Variants in CCDC85C observed in about 807,000 individuals in gnomAD.
CCDC85C encodes the protein coiled-coil domain containing 85C.
CCDC85C carries 18 observed loss-of-function variants against 38.3 expected under a neutral mutation model. That is an observed-to-expected ratio of 0.47 (90% CI 0.33 to 0.70). The LOEUF is 0.70. CCDC85C is among the 30% of genes least tolerant of loss of function. The pLI is 0.03. For synonymous variants in CCDC85C, 264 were observed against 293.8 expected, an observed-to-expected ratio of 0.90 and a Z score of 1.04; for missense variants, 566 against 621.2, an observed-to-expected ratio of 0.91 and a Z score of 0.94.
chr14:99,554,642 C>G (rs1396926080), intron 1 of CCDC85C, among the ~76,000 whole-genome samples: 11 of 152,248 alleles, frequency 7.2e-5, no homozygotes, highest in Admixed American at 6.5e-4. Flanking sequence ...TGACCTGGTC[C>G]CCACCCAGGC....
intron 1 of CCDC85C, among the ~76,000 whole-genome samples, chr14:99,563,654 G>A (rs1898160534): frequency 6.6e-6 from 1 of 152,248 alleles, no homozygotes; most frequent in African/African-American, 2.4e-5. Flanking sequence ...TGCTTCCCAC[G>A]AGGCGGGCAG....
intron 1 of CCDC85C, among the ~76,000 whole-genome samples, chr14:99,597,288 G>C (rs2055153341): frequency 6.6e-6 from 1 of 152,220 alleles, no homozygotes; most frequent in Non-Finnish European, 1.5e-5. Flanking sequence ...CTCCTGAAGA[G>C]CAAATTACCA....
intron 2 of CCDC85C, among the ~76,000 whole-genome samples, chr14:99,525,774 A>G (rs1385770766): frequency 6.6e-6 from 1 of 152,210 alleles, no homozygotes; most frequent in African/African-American, 2.4e-5. Context: ...TCGAAGCCCC[A>G]GGCTGATTCA....
chr14:99,515,752 C>T (rs1399225821), intron 5 of CCDC85C, among the ~76,000 whole-genome samples: 1 of 152,108 alleles, frequency 6.6e-6, no homozygotes, highest in Non-Finnish European at 1.5e-5. Flanking sequence ...CTCTCCTGGG[C>T]AGCCCCAGCC....
rs189027326 is a variant in CCDC85C, at chr14:99,520,799, G to C, written c.975+1334C>G. Reference sequence around the variant, plus strand: ...TGAGCCTCACTTCCTCCTCTCCAAAGTAGGGGACACCCCTTCATGCACAGA... The same window carrying C: ...TGAGCCTCACTTCCTCCTCTCCAAACTAGGGGACACCCCTTCATGCACAGA... On this transcript the variant is annotated intron_variant, in intron 3 of 5. Transcript: ENST00000380243. This position sits in a 1 kb window ranked among gnomAD's most constrained non-coding sequence, Gnocchi z 4.1. Among the ~76,000 whole-genome samples, 18 of 152,338 alleles carry C rather than the reference G, an allele frequency of 1.2e-4. No homozygotes were observed. The East Asian group carries it at 3.3e-3, about 28-fold the overall frequency.
intron 1 of CCDC85C, among the ~76,000 whole-genome samples, chr14:99,601,012 G>C (rs896635232): frequency 6.6e-6 from 1 of 152,090 alleles, no homozygotes; most frequent in Non-Finnish European, 1.5e-5. Context: ...GTGACAGAGT[G>C]ACACCCTGTC....
At chr14:99,517,028 A>G in intron 4 of CCDC85C, 60 bp downstream of exon 4, 11 of 1,461,622 alleles carry the variant, frequency 7.5e-6, no homozygotes, top group Non-Finnish European at 1.0e-5. Context: ...CAAAGGTCCC[A>G]CAGTCTCACA....
rs143879641 is a variant in CCDC85C at position 99,516,563 on chromosome 14, T to C, written c.1072-277A>G. 3.3e-5 allele frequency among the ~76,000 whole-genome samples: 5 copies of C among 152,184 alleles called. No individual in the cohort carries two copies. Among genetic ancestry groups the C allele is most frequent in the African/African-American group, 1.2e-4 (5 of 41,516 alleles). ...AAGACCCTCAGACAGGTGGACTCAC[T>C]GCAACCCAGGGCCCGCTGGAGATGA... On this transcript the variant is annotated intron_variant, in intron 4 of 5. Coordinates refer to ENST00000380243, the MANE Select transcript of CCDC85C (RefSeq NM_001144995.2). This position sits in a 1 kb window ranked among gnomAD's most constrained non-coding sequence, Gnocchi z 5.5.
chr14:99,589,866 G>A (rs763964156), intron 1 of CCDC85C, among the ~76,000 whole-genome samples: 1 of 152,196 alleles, frequency 6.6e-6, no homozygotes, highest in Non-Finnish European at 1.5e-5. Flanking sequence ...GCACCCAGGG[G>A]TTCCGAGAGC....
chr14:99,549,563 A>T (rs543899752), intron 1 of CCDC85C, among the ~76,000 whole-genome samples: 1 of 152,302 alleles, frequency 6.6e-6, no homozygotes, highest in African/African-American at 2.4e-5. Flanking sequence ...CCCCAGAGAA[A>T]TGAGGGCAGG....
rs1433868267 is a variant in CCDC85C, at chr14:99,510,715, C to A, written c.*4531G>T. 4 of 1,417,312 alleles carry A rather than the reference C, an allele frequency of 2.8e-6. No homozygotes were observed. In the African/African-American group the frequency reaches 6.0e-5, roughly 21 times the overall value. The allele number at this position is 1,417,312 out of a possible 1,614,324, so 87.8% of individuals were successfully genotyped here. On this transcript the variant is annotated 3_prime_UTR_variant, in exon 6 of 6. Transcript: ENST00000380243. ...CCCCCTGGAGGACAGCCTCCTGTGC[C>A]CCCGCCCATTCCCCCACCCGGCATG...
rs1433616583 is a variant in CCDC85C at position 99,588,456 on chromosome 14, G to A, written c.793+14711C>T. Among the ~76,000 whole-genome samples the A allele has an allele frequency of 1.3e-5, 2 of 152,052 alleles. No individual in the cohort carries two copies. The highest frequency in any genetic ancestry group is 2.4e-5 in the African/African-American group (1 of 41,404). On this transcript the variant is annotated intron_variant, in intron 1 of 5. Transcript: ENST00000380243. The surrounding 1 kb of genome is among the most constrained non-coding windows in gnomAD (Gnocchi z 5.0). The stretch of plus-strand genomic sequence containing the variant: ...TTACCCAGAGAAAAGAGAGCCCACG[G>A]ACCCATCCAAAAGTCACCAGAGGCC...
chr14:99,530,386 C>T (rs1228327388), intron 2 of CCDC85C, among the ~76,000 whole-genome samples: 1 of 152,180 alleles, frequency 6.6e-6, no homozygotes, highest in African/African-American at 2.4e-5. Context: ...AGATGCCAAA[C>T]ACACAGGGCA....
Position 99,513,645 on chromosome 14 carries a change from C to G in CCDC85C, c.*1601G>C, listed in dbSNP as rs1265883464. On this transcript the variant is annotated 3_prime_UTR_variant, in exon 6 of 6. Transcript: ENST00000380243. The stretch of plus-strand genomic sequence containing the variant: ...CATCTCCCTCCTCTTGCCTGCATCC[C>G]CAGCCCTGGGCCTGCATGAGACCTG... 1 of 152,352 alleles carries G rather than the reference C, an allele frequency of 6.6e-6. No individual in the cohort carries two copies. The highest frequency in any genetic ancestry group is 2.4e-5 in the African/African-American group (1 of 41,454). 9.4% of individuals were successfully genotyped at this position (152,352 alleles called of 1,614,324 possible). A position where few individuals can be genotyped will look rare whatever the true frequency, so the allele number is the denominator to read the frequency against.
At position 99,505,463 on chromosome 14, in the gene CCDC85C, A is replaced by G. The variant is rs1896950529; in HGVS notation, c.*9783T>C. On this transcript the variant is annotated 3_prime_UTR_variant, in exon 6 of 6. Coordinates refer to ENST00000380243, the MANE Select transcript of CCDC85C (RefSeq NM_001144995.2). ...AGACATCTCATTAGTAAAGCTTTATATTGGTTACATGTTGAAATAAAATTT... is the reference window on the plus strand; with the variant it reads ...AGACATCTCATTAGTAAAGCTTTATGTTGGTTACATGTTGAAATAAAATTT... The G allele has an allele frequency of 6.6e-6, 1 of 152,098 alleles. No individual in the cohort carries two copies. The highest frequency in any genetic ancestry group is 2.4e-5 in the African/African-American group (1 of 41,410). 9.4% of individuals were successfully genotyped at this position (152,098 alleles called of 1,614,324 possible).
chr14:99,594,432 G>A (rs2055121397), intron 1 of CCDC85C, among the ~76,000 whole-genome samples: 1 of 152,196 alleles, frequency 6.6e-6, no homozygotes, highest in African/African-American at 2.4e-5. Context: ...GTTTAGACAG[G>A]TCACCATCTC....
rs1197621843 is a variant in CCDC85C at position 99,512,229 on chromosome 14, G to C, written c.*3017C>G. ...CAGGCCGGGAGTCCACGGGCTCCCAGCTCTAAACGGCGCCAGGGCAGGAAG... is the reference window on the plus strand; with the variant it reads ...CAGGCCGGGAGTCCACGGGCTCCCACCTCTAAACGGCGCCAGGGCAGGAAG... On this transcript the variant is annotated 3_prime_UTR_variant, in exon 6 of 6. Transcript: ENST00000380243. The C allele has an allele frequency of 2.6e-5, 4 of 152,160 alleles. No individual in the cohort carries two copies. The highest frequency in any genetic ancestry group is 7.2e-5 in the African/African-American group (3 of 41,442). The allele number at this position is 152,160 out of a possible 1,614,324, so 9.4% of individuals were successfully genotyped here.
Position 99,513,353 on chromosome 14 carries a change from A to G in CCDC85C, c.*1893T>C, listed in dbSNP as rs1897169013. ...TGCTCAGCTGCCCACTCGGGCAAGA[A>G]TCACTGGGTACCATGAGCAGCAGGT... On this transcript the variant is annotated 3_prime_UTR_variant, in exon 6 of 6. Coordinates refer to ENST00000380243, the MANE Select transcript of CCDC85C (RefSeq NM_001144995.2). 1 of 152,212 alleles carries G rather than the reference A, an allele frequency of 6.6e-6. No homozygotes were observed. The highest frequency in any genetic ancestry group is 1.5e-5 in the Non-Finnish European group (1 of 68,038). 9.4% of individuals were successfully genotyped at this position (152,212 alleles called of 1,614,324 possible). A position where few individuals can be genotyped will look rare whatever the true frequency, so the allele number is the denominator to read the frequency against.
rs1436686636 is a variant in CCDC85C at position 99,572,484 on chromosome 14, C to T, written c.793+30683G>A. The stretch of plus-strand genomic sequence containing the variant: ...CAAGTATAAATGATCAGGTATCACA[C>T]CTCCGCCAGGCTTTAGATAAAATCC... On this transcript the variant is annotated intron_variant, in intron 1 of 5. Transcript: ENST00000380243. This position sits in a 1 kb window ranked among gnomAD's most constrained non-coding sequence, Gnocchi z 4.4. Among the ~76,000 whole-genome samples the T allele has an allele frequency of 6.6e-6, 1 of 151,786 alleles. No homozygotes were observed. The highest frequency in any genetic ancestry group is 1.5e-5 in the Non-Finnish European group (1 of 67,970).
Sources: gnomAD v4.1 joint callset for allele counts (sites outside exome capture counted in the v4.1 genomes callset) on GRCh38, gnomAD v4.1.1 for gene constraint, Gnocchi (gnomAD v3.1) non-coding constraint, MANE v1.5 for transcripts, NCBI Gene and HGNC (gene_info 2026-07-23, HGNC 2026-07-21) for gene names.